Variants in NRG1 observed in about 807,000 individuals in gnomAD.
NRG1 encodes neuregulin 1.
A neutral mutation model predicts 63.8 loss-of-function variants in NRG1; 18 were observed. That is an observed-to-expected ratio of 0.28 (90% CI 0.19 to 0.42). The LOEUF (loss-of-function observed/expected upper bound fraction) is 0.42, where lower values mean the gene tolerates loss of function less well. Ranked by LOEUF, NRG1 falls within the 10% of genes least tolerant of loss-of-function variation. The probability of loss-of-function intolerance (pLI) is 1.00; values close to 1 mark genes in which losing one functional copy is unlikely to be tolerated. For synonymous variants in NRG1, 302 were observed against 301.3 expected (o/e 1.00, Z -0.02); for missense variants, 762 against 814.7 (o/e 0.94, Z 0.79).
intron 1 of NRG1, among the ~76,000 whole-genome samples, chr8:32,149,724 T>C (rs1221164396): frequency 3.3e-5 from 5 of 152,234 alleles, no homozygotes; most frequent in African/African-American, 4.8e-5. Context: ...AGGAACTTCA[T>C]ATAATTATCT....
intron 1 of NRG1, among the ~76,000 whole-genome samples, chr8:32,535,312 A>T (rs1223145644): frequency 6.6e-6 from 1 of 152,198 alleles, no homozygotes; most frequent in African/African-American, 2.4e-5. Flanking sequence ...TTCCCTAATG[A>T]ATCCTTAGGC....
chr8:32,001,286 A>G (rs1481144348), intron 1 of NRG1, among the ~76,000 whole-genome samples: 2 of 151,930 alleles, frequency 1.3e-5, no homozygotes, highest in African/African-American at 4.8e-5. Context: ...TTCCCCTGCT[A>G]TTCTAGTGAT....
At chr8:32,615,378 A>G (rs1847168194) in intron 4 of NRG1, among the ~76,000 whole-genome samples, 1 of 152,238 alleles carries the variant, frequency 6.6e-6, no homozygotes. Context: ...TTGGTTTTGC[A>G]TGGTGCCTTT....
rs567955424 is a variant in NRG1, at chr8:32,716,819, TGC to T, written c.503-11128_503-11127del. On this transcript the variant is annotated intron_variant, in intron 5 of 11. Coordinates refer to ENST00000356819, the Ensembl canonical transcript of NRG1. ...GTGTGTGCATGTGTGTGTGTGCATG[TGC>T]GTGTGTGTGTGTGTGTGTGTGCATA... 1.8e-3 allele frequency among the ~76,000 whole-genome samples: 128 copies of T among 71,964 alleles called. 3 individuals carry two copies. The South Asian group carries it at 0.049, about 28-fold the overall frequency. 47.2% of individuals were successfully genotyped at this position (71,964 alleles called of 152,430 possible). A position where few individuals can be genotyped will look rare whatever the true frequency, so the allele number is the denominator to read the frequency against.
intron 1 of NRG1, among the ~76,000 whole-genome samples, chr8:31,767,541 T>A (rs74412094): frequency 0.14 from 21,979 of 152,122 alleles, 2,080 homozygotes; most frequent in East Asian, 0.2. Context: ...TATAAAATAG[T>A]ACAATTAAGA....
chr8:32,083,790 T>TTA (rs1827843609), intron 1 of NRG1, among the ~76,000 whole-genome samples: 1 of 151,712 alleles, frequency 6.6e-6, no homozygotes, highest in East Asian at 1.9e-4. Context: ...TGTATTTTTT[T>TTA]AATAAAAGAA....
chr8:32,195,464 A>G (rs1239599181), intron 1 of NRG1, among the ~76,000 whole-genome samples: 1 of 150,670 alleles, frequency 6.6e-6, no homozygotes, highest in East Asian at 1.9e-4. Context: ...ATGTCCCTCT[A>G]AGCAGTTAAA....
chr8:32,623,462 C>T (rs575067498), intron 5 of NRG1, among the ~76,000 whole-genome samples: 14 of 152,306 alleles, frequency 9.2e-5, no homozygotes, highest in Middle Eastern at 3.4e-3. Context: ...TTTCAGATTT[C>T]TATAAACATG....
At chr8:31,733,024 A>G (rs1227442557) in intron 1 of NRG1, among the ~76,000 whole-genome samples, 1 of 152,092 alleles carries the variant, frequency 6.6e-6, no homozygotes, top group Non-Finnish European at 1.5e-5. Flanking sequence ...ATGTGTATGC[A>G]TTATTTAGCT....
Position 32,280,680 on chromosome 8 carries a change from G to GTTTT in NRG1, c.38-315141_38-315138dup, listed in dbSNP as rs1235833561. 3.3e-3 allele frequency among the ~76,000 whole-genome samples: 176 copies of GTTTT among 53,690 alleles called. 5 individuals carry two copies. Among genetic ancestry groups the GTTTT allele is most frequent in the African/African-American group, 8.5e-3 (122 of 14,336 alleles). 35.2% of individuals were successfully genotyped at this position (53,690 alleles called of 152,430 possible). A position where few individuals can be genotyped will look rare whatever the true frequency, so the allele number is the denominator to read the frequency against. Reference sequence around the variant, plus strand: ...GGTGTCTTTCATGCAACTGAATTAGGTTTTTTTTTTGTTTTTTTTTTTTTT... The same window carrying GTTTT: ...GGTGTCTTTCATGCAACTGAATTAGGTTTTTTTTTTTTTTGTTTTTTTTTTTTTT... On this transcript the variant is annotated intron_variant, in intron 1 of 10. Transcript: ENST00000519301.
chr8:32,412,447 TATATAC>T lies in NRG1; in HGVS notation c.38-183375_38-183370del, dbSNP rs1424183171. ...ACATATATATATATATATATATATA[TATATAC>T]ATATATATATATATATATATATGAA... On this transcript the variant is annotated intron_variant, in intron 1 of 10. Coordinates refer to the NRG1 transcript ENST00000519301. Among the ~76,000 whole-genome samples the T allele has an allele frequency of 2.8e-3, 155 of 56,336 alleles. 1 individual carries two copies. In the South Asian group the frequency reaches 0.028, roughly 10 times the overall value. 37.0% of individuals were successfully genotyped at this position (56,336 alleles called of 152,430 possible). A position where few individuals can be genotyped will look rare whatever the true frequency, so the allele number is the denominator to read the frequency against.
At chr8:31,655,016 C>G (rs1371872689) in intron 1 of NRG1, among the ~76,000 whole-genome samples, 1 of 152,132 alleles carries the variant, frequency 6.6e-6, no homozygotes, top group Non-Finnish European at 1.5e-5. Context: ...CATTCCTTTC[C>G]CCTCAGATTT....
intron 1 of NRG1, among the ~76,000 whole-genome samples, chr8:32,525,391 G>GGTGT (rs200594879): frequency 0.12 from 18,081 of 145,652 alleles, 1,170 homozygotes; most frequent in African/African-American, 0.14. Flanking sequence ...ATGAGGTAGG[G>GGTGT]GTGTGTGTGT....
intron 1 of NRG1, among the ~76,000 whole-genome samples, chr8:32,575,427 G>C (rs1465626633): frequency 1.3e-5 from 2 of 152,032 alleles, no homozygotes; most frequent in Non-Finnish European, 2.9e-5. Context: ...TGGAAGGGTT[G>C]GGGATGGGAA....
chr8:32,087,511 T>C, intron 1 of NRG1, among the ~76,000 whole-genome samples: 1 of 122,098 alleles, frequency 8.2e-6, no homozygotes, highest in Admixed American at 8.4e-5. Context: ...AGATGGACTG[T>C]CACTCTGTCA....
chr8:32,123,119 C>A (rs1276540740), intron 1 of NRG1, among the ~76,000 whole-genome samples: 1 of 151,922 alleles, frequency 6.6e-6, no homozygotes, highest in Non-Finnish European at 1.5e-5. Context: ...TTGTAATGAT[C>A]AGATTCACAG....
chr8:32,661,624 C>CT lies in NRG1; in HGVS notation c.502+44752dup, dbSNP rs35618717. ...AACAGGAATGCCACTTCATTTAGGG[C>CT]TTTTTTTTTTTTTCAATATCCCATG... On this transcript the variant is annotated intron_variant, in intron 5 of 11. Coordinates refer to ENST00000356819, the Ensembl canonical transcript of NRG1. Among the ~76,000 whole-genome samples the CT allele has an allele frequency of 7.6e-3, 1,042 of 136,524 alleles. 7 individuals carry two copies. The highest frequency in any genetic ancestry group is 0.014 in the African/African-American group (524 of 37,334). The allele number at this position is 136,524 out of a possible 152,430, so 89.6% of individuals were successfully genotyped here. A position where few individuals can be genotyped will look rare whatever the true frequency, so the allele number is the denominator to read the frequency against.
chr8:31,901,544 A>G (rs1832080790), intron 1 of NRG1, among the ~76,000 whole-genome samples: 1 of 152,236 alleles, frequency 6.6e-6, no homozygotes, highest in Non-Finnish European at 1.5e-5. Context: ...ATTGAAGAGT[A>G]TCACATCAAA....
At chr8:32,003,724 C>T (rs1049097122) in intron 1 of NRG1, among the ~76,000 whole-genome samples, 3 of 151,372 alleles carry the variant, frequency 2.0e-5, no homozygotes, top group Non-Finnish European at 4.4e-5. Flanking sequence ...AAATGGTTAA[C>T]AAAATAAAGA....
Sources: allele counts gnomAD v4.1 joint callset (sites outside exome capture counted in the v4.1 genomes callset), GRCh38; gene constraint gnomAD v4.1.1; transcripts MANE v1.5; gene names NCBI Gene and HGNC (gene_info 2026-07-23, HGNC 2026-07-21).